Variants in VWA3A observed in about 807,000 individuals in gnomAD.
The protein encoded by VWA3A is von Willebrand factor A domain-containing protein 3A.
A neutral mutation model predicts 160.4 loss-of-function variants in VWA3A; 134 were observed. That is an observed-to-expected ratio of 0.84 (90% CI 0.73 to 0.96). The LOEUF (loss-of-function observed/expected upper bound fraction) is 0.96. VWA3A is among the 40% of genes least tolerant of loss of function. VWA3A has a pLI of 0.00. For missense variants in VWA3A, 1,310 were observed against 1,447.9 expected, an observed-to-expected ratio of 0.90 and a Z score of 1.55; for synonymous variants, 476 against 543.4, an observed-to-expected ratio of 0.88 and a Z score of 1.72.
chr16:22,099,865 A>G (rs1250381118), intron 3 of VWA3A, among the ~76,000 whole-genome samples: 1 of 152,208 alleles, frequency 6.6e-6, no homozygotes, highest in Non-Finnish European at 1.5e-5. Context: ...ACTTGAGGTC[A>G]GGAGTTTGAG....
chr16:22,107,364 T>C (rs1361624049), intron 6 of VWA3A, among the ~76,000 whole-genome samples: 1 of 152,142 alleles, frequency 6.6e-6, no homozygotes, highest in Non-Finnish European at 1.5e-5. Context: ...CAACAGATAA[T>C]TATCCAGCCC....
chr16:22,103,504 A>G lies in VWA3A; in HGVS notation c.458A>G (p.Gln153Arg), dbSNP rs1274695052. 1 of 1,551,806 alleles carries G rather than the reference A, an allele frequency of 6.4e-7. No individual in the cohort carries two copies. The highest frequency in any genetic ancestry group is 8.7e-7 in the Non-Finnish European group (1 of 1,147,024). The change falls in exon 6 of 34, where the codon CAG (glutamine) becomes CGG (arginine). Residue 153 changes from glutamine (Q) to arginine (R), a missense_variant. Transcript: ENST00000389398. Reference sequence around the variant, plus strand: ...ATTGAAGTCTATCAAGAGAGAATTCAGTGGCTCACAGAAAACAGCAAGAAG... The same window carrying G: ...ATTGAAGTCTATCAAGAGAGAATTCGGTGGCTCACAGAAAACAGCAAGAAG... ...DTIEVYQERI[Q>R]WLTENSKKAF...
At chr16:22,124,157 G>A (rs1471388541) in intron 16 of VWA3A, among the ~76,000 whole-genome samples, 1 of 141,550 alleles carries the variant, frequency 7.1e-6, no homozygotes, top group African/African-American at 2.6e-5. Context: ...CTCAAGCGTG[G>A]GCAACAGAGC....
At chr16:22,131,164 C>T in intron 17 of VWA3A, 41 bp from the exon 18 acceptor site, 1 of 1,598,456 alleles carries the variant, frequency 6.3e-7, no homozygotes, top group Non-Finnish European at 8.5e-7. Context: ...ACCAAGTGGA[C>T]CTCCCCCAGC....
intron 13 of VWA3A, 31 bp from the exon 14 acceptor site, chr16:22,121,483 C>T (rs769649317): frequency 5.2e-6 from 8 of 1,533,518 alleles, no homozygotes; most frequent in Non-Finnish European, 7.2e-6. Context: ...GCTTCTCAGG[C>T]AGTGCCTCCA....
At position 22,111,006 on chromosome 16, in the gene VWA3A, T is replaced by G. The variant is rs887163876; in HGVS notation, c.689+12T>G. On this transcript the variant is annotated intron_variant, in intron 8 of 33. Transcript: ENST00000389398. ...GTCAGCGCCTCCACGTGAGTGGCTT[T>G]CCTACCTGACGGTGATGTTCACTTG... The G allele has an allele frequency of 7.5e-6, 12 of 1,589,848 alleles. No individual in the cohort carries two copies. Among genetic ancestry groups the G allele is most frequent in the Non-Finnish European group, 9.4e-6 (11 of 1,167,900 alleles).
At position 22,097,810 on chromosome 16, in the gene VWA3A, G is replaced by A. The variant is rs913701062; in HGVS notation, c.225+115G>A. On this transcript the variant is annotated intron_variant, in intron 3 of 33. Transcript: ENST00000389398. ...TCATAGGATTCTAGGACTGAAAAAG[G>A]AGTAATTAAGCATTTATCTCTAATC... is the stretch of plus-strand genomic sequence containing the variant. 5 of 1,351,904 alleles carry A rather than the reference G, an allele frequency of 3.7e-6. No individual in the cohort carries two copies. The African/African-American group carries it at 7.4e-5, about 20-fold the overall frequency. 83.7% of individuals were successfully genotyped at this position (1,351,904 alleles called of 1,614,324 possible).
chr16:22,121,450 A>T, intron 13 of VWA3A, 64 bp from the exon 14 acceptor site: 1 of 1,346,828 alleles, frequency 7.4e-7, no homozygotes, highest in Non-Finnish European at 1.1e-6. Context: ...TCTCAAAAAA[A>T]TAAAAGGCTT....
chr16:22,123,433 C>G, intron 15 of VWA3A, 180 bp from the exon 16 acceptor site: 1 of 1,532,288 alleles, frequency 6.5e-7, no homozygotes, highest in Non-Finnish European at 8.8e-7. Context: ...CCGTGTGACT[C>G]TTCCCTTCCT....
chr16:22,145,000 G>A (rs2046223060), intron 26 of VWA3A, among the ~76,000 whole-genome samples: 1 of 152,196 alleles, frequency 6.6e-6, no homozygotes. Flanking sequence ...TAAGAATGCT[G>A]TACCCCAATA....
At position 22,117,180 on chromosome 16, in the gene VWA3A, A is replaced by T. The variant is rs1489212360; in HGVS notation, c.990+4A>T. 2 of 1,575,052 alleles carry T rather than the reference A, an allele frequency of 1.3e-6. No individual in the cohort carries two copies. The highest frequency in any genetic ancestry group is 1.8e-5 in the Admixed American group (1 of 54,288). On this transcript the variant is annotated splice_donor_region_variant and intron_variant, in intron 11 of 33. Transcript: ENST00000389398. The stretch of plus-strand genomic sequence containing the variant: ...CTGCTACAGCCCAAAGATGGAGGTA[A>T]GCCCTTCTGTCAACACATGGCCCCT...
intron 8 of VWA3A, 24 bp from the exon 9 acceptor site, chr16:22,115,323 G>A (rs762035250): frequency 6.4e-7 from 1 of 1,563,898 alleles, no homozygotes; most frequent in South Asian, 1.2e-5. Context: ...TTATAATTAG[G>A]TTGCTGTTGT....
chr16:22,105,649 G>A (rs758740426), intron 6 of VWA3A, among the ~76,000 whole-genome samples: 1 of 152,178 alleles, frequency 6.6e-6, no homozygotes, highest in Non-Finnish European at 1.5e-5. Context: ...CTTGAAAAAT[G>A]AGAATATCTG....
chr16:22,134,140 T>A (rs1228417427), intron 20 of VWA3A, among the ~76,000 whole-genome samples: 1 of 151,408 alleles, frequency 6.6e-6, no homozygotes, highest in African/African-American at 2.4e-5. Context: ...ATTTTTTAAA[T>A]TTTTTTTTAT....
At chr16:22,118,806 T>C in intron 11 of VWA3A, 96 bp from the exon 12 acceptor site, 5 of 1,529,164 alleles carry the variant, frequency 3.3e-6, no homozygotes, top group Non-Finnish European at 4.5e-6. Flanking sequence ...TCTGACCCTC[T>C]GCCTGGGCAT....
rs1021128026 is a variant in VWA3A at position 22,119,030 on chromosome 16, A to G, written c.1116+3A>G. ...CGCTCACCTGCACCATGGAGGAGGT[A>G]GGTGGTGCGAGTGTCAATTCTGGGG... On this transcript the variant is annotated splice_donor_region_variant and intron_variant, in intron 12 of 33. Coordinates refer to ENST00000389398, the MANE Select transcript of VWA3A (RefSeq NM_173615.5). 1 of 1,605,280 alleles carries G rather than the reference A, an allele frequency of 6.2e-7. No individual in the cohort carries two copies. The highest frequency in any genetic ancestry group is 1.3e-5 in the African/African-American group (1 of 74,696).
chr16:22,093,250 G>A (rs190984578), intron 1 of VWA3A, among the ~76,000 whole-genome samples: 19 of 152,182 alleles, frequency 1.2e-4, no homozygotes, highest in East Asian at 9.6e-4. Flanking sequence ...AGGGGTGCGC[G>A]GGGGTTCAGA....
intron 5 of VWA3A, 133 bp from the exon 6 acceptor site, chr16:22,103,342 C>A: frequency 2.5e-6 from 2 of 794,500 alleles, no homozygotes; most frequent in Non-Finnish European, 3.9e-6. Context: ...AAAAGGTTCA[C>A]CACCTTCTTC....
intron 21 of VWA3A, among the ~76,000 whole-genome samples, chr16:22,134,922 T>C (rs1320060159): frequency 6.6e-6 from 1 of 152,128 alleles, no homozygotes; most frequent in African/African-American, 2.4e-5. Flanking sequence ...AAGGCTTAGA[T>C]GTCAAAAATA....
Sources: allele counts gnomAD v4.1 joint callset (sites outside exome capture counted in the v4.1 genomes callset), GRCh38; gene constraint gnomAD v4.1.1; transcripts MANE v1.5; gene names NCBI Gene and HGNC (gene_info 2026-07-23, HGNC 2026-07-21).